TBC1D30: variants seen among roughly 807,000 people sequenced by gnomAD.
The protein encoded by TBC1D30 is TBC1 domain family, member 30.
TBC1D30 carries 31 observed loss-of-function variants against 63.2 expected under a neutral mutation model. The ratio of observed to expected loss-of-function variants is 0.49; its 90% CI spans 0.37 to 0.66. TBC1D30 has a LOEUF of 0.66. Among genes scored for constraint, TBC1D30 ranks in the 30% least tolerant of loss-of-function variants. The pLI is 0.00. For synonymous variants in TBC1D30, 307 were observed against 361.5 expected (o/e 0.85, Z 1.71); for missense variants, 810 against 953.6 (o/e 0.85, Z 1.98).
At chr12:64,791,891 A>C (rs1400579292) in intron 2 of TBC1D30, among the ~76,000 whole-genome samples, 1 of 151,996 alleles carries the variant, frequency 6.6e-6, no homozygotes, top group Non-Finnish European at 1.5e-5. Flanking sequence ...GGCCTGTAGG[A>C]AGGTTTTAAA....
chr12:64,797,801 G>C (rs1434954167), intron 2 of TBC1D30, among the ~76,000 whole-genome samples: 1 of 152,168 alleles, frequency 6.6e-6, no homozygotes, highest in Non-Finnish European at 1.5e-5. Context: ...GAGATGAACT[G>C]TTCAGCTCTT....
chr12:64,765,910 GC>G (rs1406952219), intron 1 of TBC1D30, among the ~76,000 whole-genome samples: 3 of 152,100 alleles, frequency 2.0e-5, no homozygotes, highest in African/African-American at 7.2e-5. Flanking sequence ...TACTCAGGAG[GC>G]TGAGATGGGA....
chr12:64,864,451 A>T (rs1878046464), intron 8 of TBC1D30, among the ~76,000 whole-genome samples: 2 of 152,220 alleles, frequency 1.3e-5, no homozygotes, highest in South Asian at 4.1e-4. Flanking sequence ...GCCCAGCTGC[A>T]GCTGGGTTGA....
At chr12:64,862,231 T>C (rs1004681127) in intron 8 of TBC1D30, among the ~76,000 whole-genome samples, 1 of 152,208 alleles carries the variant, frequency 6.6e-6, no homozygotes, top group African/African-American at 2.4e-5. Flanking sequence ...TCCGACACCC[T>C]GAGTGCTATG....
upstream of TBC1D30, among the ~76,000 whole-genome samples, chr12:64,775,790 T>C (rs1372141473): frequency 6.6e-6 from 1 of 152,246 alleles, no homozygotes; most frequent in African/African-American, 2.4e-5. Flanking sequence ...CTGATAGATA[T>C]CTACAGAACT....
chr12:64,848,413 A>C (rs1876577817), intron 8 of TBC1D30, among the ~76,000 whole-genome samples: 1 of 151,678 alleles, frequency 6.6e-6, no homozygotes, highest in Non-Finnish European at 1.5e-5. Flanking sequence ...TCCTAATGCT[A>C]TCCCTCCCTT....
Position 64,830,355 on chromosome 12 carries a change from CTTTG to C in TBC1D30, c.283-20_283-17del. On this transcript the variant is annotated intron_variant, in intron 3 of 11. Coordinates refer to ENST00000539867, the MANE Select transcript of TBC1D30 (RefSeq NM_015279.2). ...TTATATATTCTACTTTGGCATTCTC[CTTTG>C]TCTATGTAATATTTTAGGTTTGGTT... is the stretch of plus-strand genomic sequence containing the variant. The C allele has an allele frequency of 6.6e-7, 1 of 1,504,388 alleles. No individual in the cohort carries two copies. Among genetic ancestry groups the C allele is most frequent in the Non-Finnish European group, 8.9e-7 (1 of 1,123,728 alleles). The allele number at this position is 1,504,388 out of a possible 1,614,324, so 93.2% of individuals were successfully genotyped here.
intron 10 of TBC1D30, 137 bp downstream of exon 10, chr12:64,867,040 G>C (rs1207373159): frequency 1.0e-6 from 1 of 992,872 alleles, no homozygotes; most frequent in Non-Finnish European, 1.4e-6. Context: ...GGCTAGTCAT[G>C]GTGGGTCATG....
chr12:64,837,667 C>T (rs1875485719), intron 6 of TBC1D30, among the ~76,000 whole-genome samples: 1 of 152,086 alleles, frequency 6.6e-6, no homozygotes, highest in Non-Finnish European at 1.5e-5. Context: ...CCTAGCAGGC[C>T]ACGGACCCAG....
chr12:64,773,482 G>T (rs1053604996), intron 1 of TBC1D30, among the ~76,000 whole-genome samples: 3 of 152,084 alleles, frequency 2.0e-5, no homozygotes, highest in Admixed American at 6.5e-5. Flanking sequence ...CTCTACAAAA[G>T]CATGGCCAGA....
At chr12:64,856,737 G>A (rs1273962773) in intron 8 of TBC1D30, among the ~76,000 whole-genome samples, 1 of 152,094 alleles carries the variant, frequency 6.6e-6, no homozygotes, top group African/African-American at 2.4e-5. Context: ...GCCAGGGATT[G>A]GAGTTAAAAA....
intron 2 of TBC1D30, among the ~76,000 whole-genome samples, chr12:64,799,961 C>G (rs1345612104): frequency 2.0e-5 from 3 of 152,164 alleles, no homozygotes; most frequent in Non-Finnish European, 4.4e-5. Context: ...AAAAAATTAG[C>G]TGGGCGTAGT....
chr12:64,820,156 C>T (rs1291996787), upstream of TBC1D30, among the ~76,000 whole-genome samples: 2 of 152,160 alleles, frequency 1.3e-5, no homozygotes, highest in Admixed American at 6.5e-5. Context: ...TAAGACTTTA[C>T]TGTTAAACAA....
chr12:64,838,629 A>G, intron 6 of TBC1D30, 54 bp from the exon 7 acceptor site: 21 of 1,514,818 alleles, frequency 1.4e-5, no homozygotes, highest in Non-Finnish European at 1.9e-5. Context: ...GGGTATCTGC[A>G]TATGCTGCCA....
At chr12:64,761,652 T>C (rs1362343502) in intron 1 of TBC1D30, among the ~76,000 whole-genome samples, 1 of 152,228 alleles carries the variant, frequency 6.6e-6, no homozygotes, top group African/African-American at 2.4e-5. Context: ...GTCAGGAAGG[T>C]ACCCTCTCTG....
At chr12:64,788,925 C>T (rs901852829) in intron 2 of TBC1D30, among the ~76,000 whole-genome samples, 2 of 152,112 alleles carry the variant, frequency 1.3e-5, no homozygotes, top group African/African-American at 4.8e-5. Flanking sequence ...CTTAAAACTC[C>T]AGAGGTTAGA....
chr12:64,784,869 G>T (rs981451238), intron 1 of TBC1D30, among the ~76,000 whole-genome samples: 2 of 73,806 alleles, frequency 2.7e-5, no homozygotes, highest in Non-Finnish European at 4.6e-5. Flanking sequence ...GTAAAATAAA[G>T]TAAAAAAAAA....
intron 2 of TBC1D30, among the ~76,000 whole-genome samples, chr12:64,798,886 C>T (rs545066631): frequency 3.8e-4 from 57 of 148,720 alleles, no homozygotes; most frequent in African/African-American, 1.3e-3. Context: ...GATCTTGGCT[C>T]ACTGCAAGCT....
intron 2 of TBC1D30, among the ~76,000 whole-genome samples, chr12:64,794,912 C>G (rs1190827912): frequency 6.6e-6 from 1 of 152,076 alleles, no homozygotes; most frequent in African/African-American, 2.4e-5. Context: ...AATATATTTT[C>G]TTATTGCTCT....
Sources: gnomAD v4.1 joint callset for allele counts (sites outside exome capture counted in the v4.1 genomes callset) on GRCh38, gnomAD v4.1.1 for gene constraint, MANE v1.5 for transcripts, NCBI Gene and HGNC (gene_info 2026-07-23, HGNC 2026-07-21) for gene names.